Variants in MSTN observed in about 807,000 individuals in gnomAD.
The protein encoded by MSTN is myostatin, also known as growth/differentiation factor 8.
MSTN carries 12 observed loss-of-function variants against 32.3 expected under a neutral mutation model. That is an observed-to-expected ratio of 0.37 (90% CI 0.24 to 0.60). The LOEUF (loss-of-function observed/expected upper bound fraction) is 0.60, where lower values mean the gene tolerates loss of function less well. Among genes scored for constraint, MSTN ranks in the 20% least tolerant of loss-of-function variants. MSTN has a pLI of 0.67. For missense variants in MSTN, 403 were observed against 450.3 expected, an observed-to-expected ratio of 0.89 and a Z score of 0.95; for synonymous variants, 168 against 155.1, an observed-to-expected ratio of 1.08 and a Z score of -0.62.
intron 2 of MSTN, 65 bp from the exon 3 acceptor site, chr2:190,057,703 T>A: frequency 6.5e-7 from 1 of 1,540,812 alleles, no homozygotes; most frequent in Non-Finnish European, 9.0e-7. Context: ...CTACCTACCT[T>A]AAGAAGTTAT....
chr2:190,057,605 G>C lies in MSTN; in HGVS notation c.781C>G (p.Pro261Ala). The C allele has an allele frequency of 6.2e-7, 1 of 1,613,286 alleles. No individual in the cohort carries two copies. Among genetic ancestry groups the C allele is most frequent in the Non-Finnish European group, 8.5e-7 (1 of 1,179,432 alleles). The stretch of plus-strand genomic sequence containing the variant: ...CCAAAATCCCTTCTGGATCTTTTTG[G>C]TGTGTCTGTTACCTTGACCTCTAAA... ...PFLEVKVTDT[P>A]KRSRRDFGLD... is the part of the protein sequence containing the mutation. The change falls in exon 3 of 3, where the codon CCA (proline) becomes GCA (alanine). Residue 261 changes from proline (P) to alanine (A), a missense_variant. Coordinates refer to ENST00000260950, the MANE Select transcript of MSTN (RefSeq NM_005259.3).
intron 2 of MSTN, among the ~76,000 whole-genome samples, chr2:190,058,704 G>A (rs979013730): frequency 2.0e-4 from 30 of 151,980 alleles, no homozygotes; most frequent in Non-Finnish European, 4.3e-4. Flanking sequence ...GTCTTTTGCA[G>A]CAAATTAGAT....
rs762442512 is a variant in MSTN at position 190,062,646 on chromosome 2, ACTTTT to A, written c.-55_-51del. ...TTTCTTGTTCTTGTTTCTTCCTTTT[ACTTTT>A]CTTTTGCTTTTGAGTAATGCCAAGC... On this transcript the variant is annotated 5_prime_UTR_variant, in exon 1 of 3. Coordinates refer to ENST00000260950, the MANE Select transcript of MSTN (RefSeq NM_005259.3). The A allele has an allele frequency of 1.9e-6, 3 of 1,583,048 alleles. No homozygotes were observed. Among genetic ancestry groups the A allele is most frequent in the South Asian group, 1.1e-5 (1 of 87,374 alleles).
chr2:190,061,369 C>A (rs1685589211), intron 1 of MSTN, among the ~76,000 whole-genome samples: 1 of 151,934 alleles, frequency 6.6e-6, no homozygotes, highest in South Asian at 2.1e-4. Context: ...GAGCTGACTG[C>A]AAAAGGAATT....
chr2:190,060,119 T>C lies in MSTN; in HGVS notation c.690A>G (p.Leu230=). The C allele has an allele frequency of 6.2e-7, 1 of 1,612,954 alleles. No homozygotes were observed. The highest frequency in any genetic ancestry group is 8.5e-7 in the Non-Finnish European group (1 of 1,179,172). ...ESNLGIEIKA[L]DENGHDLAVT... is the part of the protein sequence containing the mutation. ...CAGCAAGATCATGACCATTCTCATC[T>C]AAAGCTTTTATTTCAATGCCTAAGT... is the stretch of plus-strand genomic sequence containing the variant. Residue 230 remains leucine (L), a synonymous_variant, in exon 2 of 3, where the codon TTA becomes TTG. Transcript: ENST00000260950.
At chr2:190,061,445 A>G (rs1363365359) in intron 1 of MSTN, among the ~76,000 whole-genome samples, 1 of 152,022 alleles carries the variant, frequency 6.6e-6, no homozygotes. Context: ...CCTCTCAGGA[A>G]GAATAAAATA....
Sources: allele counts gnomAD v4.1 joint callset (sites outside exome capture counted in the v4.1 genomes callset), GRCh38; gene constraint gnomAD v4.1.1; transcripts MANE v1.5; gene names NCBI Gene and HGNC (gene_info 2026-07-23, HGNC 2026-07-21).